PDXDC1: variants seen among roughly 807,000 people sequenced by gnomAD.
The protein encoded by PDXDC1 is pyridoxal-dependent decarboxylase domain-containing protein 1.
Under a neutral mutation model 100.1 loss-of-function variants are expected in PDXDC1, and 42 were observed. The observed-to-expected ratio is 0.42, with a 90% CI of 0.33 to 0.54. The LOEUF (loss-of-function observed/expected upper bound fraction) is 0.54, where lower values mean the gene tolerates loss of function less well. PDXDC1 is among the 20% of genes least tolerant of loss of function. The pLI is 0.10. For synonymous variants in PDXDC1, 260 were observed against 371.7 expected, an observed-to-expected ratio of 0.70 and a Z score of 3.46; for missense variants, 636 against 979.2, an observed-to-expected ratio of 0.65 and a Z score of 4.68.
At chr16:14,981,820 C>T (rs1445970082) in intron 1 of PDXDC1, among the ~76,000 whole-genome samples, 5 of 150,492 alleles carry the variant, frequency 3.3e-5, no homozygotes, top group Non-Finnish European at 7.4e-5. Flanking sequence ...TATTTTTGTC[C>T]TTTTCTTTTG....
intron 16 of PDXDC1, chr16:15,063,295 G>C (rs377324702): frequency 1.3e-6 from 2 of 1,596,404 alleles, no homozygotes; most frequent in Non-Finnish European, 1.7e-6. Flanking sequence ...TGTCAACAAA[G>C]ATCACATTTC....
intron 16 of PDXDC1, among the ~76,000 whole-genome samples, chr16:15,051,250 ATG>A (rs1242495239): frequency 1.3e-5 from 2 of 152,260 alleles, no homozygotes; most frequent in Admixed American, 6.5e-5. Flanking sequence ...ACCAAAAATC[ATG>A]TCTCTCTTCA....
chr16:15,078,331 C>G (rs1203316783), intron 16 of PDXDC1, among the ~76,000 whole-genome samples: 2 of 152,116 alleles, frequency 1.3e-5, no homozygotes, highest in Non-Finnish European at 2.9e-5. Flanking sequence ...TCACGTCTCT[C>G]CACTCCTAAA....
intron 16 of PDXDC1, among the ~76,000 whole-genome samples, chr16:15,079,185 C>T (rs2045595016): frequency 6.6e-6 from 1 of 152,164 alleles, no homozygotes; most frequent in South Asian, 2.1e-4. Context: ...TGAAGGATTC[C>T]TTTCCCTTAC....
chr16:15,028,482 G>A (rs1206670756), intron 14 of PDXDC1, among the ~76,000 whole-genome samples: 6 of 152,280 alleles, frequency 3.9e-5, no homozygotes, highest in African/African-American at 1.4e-4. Context: ...AACCTTACCT[G>A]CCTTCTGTCC....
At chr16:15,012,325 G>C (rs548814770) in intron 8 of PDXDC1, among the ~76,000 whole-genome samples, 4 of 152,002 alleles carry the variant, frequency 2.6e-5, no homozygotes, top group African/African-American at 9.6e-5. Context: ...GGCTGGTCTT[G>C]AACTCCTGAC....
At chr16:15,130,289 G>A in intron 16 of PDXDC1, 4 of 1,537,012 alleles carry the variant, frequency 2.6e-6, no homozygotes, top group Non-Finnish European at 3.5e-6. Flanking sequence ...CGGCCTGGCG[G>A]GGCGAGGTCT....
intron 1 of PDXDC1, among the ~76,000 whole-genome samples, chr16:14,976,205 G>C (rs1322213952): frequency 6.6e-6 from 1 of 152,294 alleles, no homozygotes; most frequent in Non-Finnish European, 1.5e-5. Context: ...TCCAGCTTGG[G>C]AGTCTGCTTG....
At chr16:15,067,958 C>CTATGT (rs1412218669) in intron 16 of PDXDC1, among the ~76,000 whole-genome samples, 1 of 151,862 alleles carries the variant, frequency 6.6e-6, no homozygotes, top group East Asian at 1.9e-4. Flanking sequence ...TAGGGTCTCA[C>CTATGT]TATGTTGCTC....
At chr16:15,116,479 C>CAAA (rs1193819668) in intron 16 of PDXDC1, among the ~76,000 whole-genome samples, 24 of 28,102 alleles carry the variant, frequency 8.5e-4, no homozygotes, top group African/African-American at 2.2e-3. Flanking sequence ...GACTCTGTCT[C>CAAA]AAAAAAAAAA....
chr16:15,041,589 A>T (rs781559830), downstream of PDXDC1: 2 of 1,522,590 alleles, frequency 1.3e-6, no homozygotes, highest in South Asian at 2.2e-5. Flanking sequence ...CCTGAGACCC[A>T]CATCTTTGCT....
intron 16 of PDXDC1, among the ~76,000 whole-genome samples, chr16:15,049,566 T>C (rs1351753875): frequency 1.3e-5 from 2 of 152,072 alleles, no homozygotes. Flanking sequence ...GTAGCTGGGA[T>C]TACAGGTGTG....
At chr16:15,001,612 GT>G (rs1400715517) in intron 3 of PDXDC1, among the ~76,000 whole-genome samples, 163 bp from the exon 4 acceptor site, 1 of 152,270 alleles carries the variant, frequency 6.6e-6, no homozygotes. Flanking sequence ...TTTGAGCTTT[GT>G]TTTTTAAAAA....
rs1434475896 is a variant in PDXDC1, at chr16:15,015,846, A to G, written c.728-283A>G. 12 of 603,588 alleles carry G rather than the reference A, an allele frequency of 2.0e-5. No homozygotes were observed. The Admixed American group carries it at 3.3e-4, about 16-fold the overall frequency. The allele number at this position is 603,588 out of a possible 1,614,324, so 37.4% of individuals were successfully genotyped here. On this transcript the variant is annotated intron_variant, in intron 8 of 22. Coordinates refer to ENST00000396410, the MANE Select transcript of PDXDC1 (RefSeq NM_015027.4). ...CACAATCTTGGTGGGAGATTTGAATATATTTCTCATGAGTCAGCAGATCAA... is the reference window on the plus strand; with the variant it reads ...CACAATCTTGGTGGGAGATTTGAATGTATTTCTCATGAGTCAGCAGATCAA...
In PDXDC1 at chr16:15,037,933, T is replaced by TAAGACCCAACAGATGTAGGATCCAGA. The variant is rs1555577351; in HGVS notation, c.*1659_*1684dup. On this transcript the variant is annotated 3_prime_UTR_variant, in exon 23 of 23. Transcript: ENST00000396410. ...AAGACACTGAGGAGGGAAGGAGGCC[T>TAAGACCCAACAGATGTAGGATCCAGA]AAGACCCAACAGATGTAGGATCCAG... 1 of 814,460 alleles carries TAAGACCCAACAGATGTAGGATCCAGA rather than the reference T, an allele frequency of 1.2e-6. No individual in the cohort carries two copies. The highest frequency in any genetic ancestry group is 2.5e-5 in the East Asian group (1 of 40,280). The allele number at this position is 814,460 out of a possible 1,614,324, so 50.5% of individuals were successfully genotyped here.
At chr16:14,983,599 A>T (rs1469223648) in intron 1 of PDXDC1, among the ~76,000 whole-genome samples, 2 of 141,492 alleles carry the variant, frequency 1.4e-5, no homozygotes, top group Non-Finnish European at 3.1e-5. Context: ...AAAAAAAAAA[A>T]GCCTTCTCTT....
At chr16:14,996,878 T>G (rs1597379055) in intron 1 of PDXDC1, among the ~76,000 whole-genome samples, 1 of 152,300 alleles carries the variant, frequency 6.6e-6, no homozygotes, top group Non-Finnish European at 1.5e-5. Flanking sequence ...CAAAATAGCT[T>G]GTCTTTGTAT....
chr16:15,057,388 T>C (rs1337009194), intron 16 of PDXDC1, among the ~76,000 whole-genome samples: 1 of 152,252 alleles, frequency 6.6e-6, no homozygotes, highest in Non-Finnish European at 1.5e-5. Context: ...TCCTCACAAA[T>C]GTAGGAGCTA....
At chr16:15,004,764 C>T (rs1327285066) in intron 5 of PDXDC1, among the ~76,000 whole-genome samples, 5 of 152,216 alleles carry the variant, frequency 3.3e-5, no homozygotes, top group Non-Finnish European at 5.9e-5. Context: ...TGCTCAAATC[C>T]CTTATATAAA....
Sources: allele counts gnomAD v4.1 joint callset (sites outside exome capture counted in the v4.1 genomes callset), GRCh38; gene constraint gnomAD v4.1.1; transcripts MANE v1.5; gene names NCBI Gene and HGNC (gene_info 2026-07-23, HGNC 2026-07-21).